The following MCTP1 variants were observed in gnomAD, a reference collection of about 807,000 sequenced individuals.
The protein encoded by MCTP1 is multiple C2 and transmembrane domain containing 1, also known as multiple C2 and transmembrane domain-containing protein 1.
MCTP1 carries 69 observed loss-of-function variants against 120.6 expected under a neutral mutation model. The observed-to-expected ratio is 0.57, with a 90% confidence interval of 0.47 to 0.70. MCTP1 has a LOEUF of 0.70. Among genes scored for constraint, MCTP1 ranks in the 30% least tolerant of loss-of-function variants. MCTP1 has a pLI of 0.00. For synonymous variants in MCTP1, 529 were observed against 493.1 expected, an observed-to-expected ratio of 1.07 and a Z score of -0.96; for missense variants, 1,203 against 1,248.8, an observed-to-expected ratio of 0.96 and a Z score of 0.55.
chr5:94,716,710 A>C (rs974120618), intron 19 of MCTP1, among the ~76,000 whole-genome samples: 4 of 152,144 alleles, frequency 2.6e-5, no homozygotes, highest in African/African-American at 9.7e-5. Context: ...TATATGAAAT[A>C]CCTAGGTAAA....
intron 18 of MCTP1, among the ~76,000 whole-genome samples, chr5:94,779,826 G>A (rs1034254029): frequency 5.3e-5 from 8 of 152,228 alleles, no homozygotes; most frequent in Non-Finnish European, 1.2e-4. Flanking sequence ...TATAGTGTGT[G>A]TATAACCCAC....
chr5:95,124,633 T>C lies in MCTP1; in HGVS notation c.721-107149A>G, dbSNP rs1242074671. 2.0e-4 allele frequency among the ~76,000 whole-genome samples: 30 copies of C among 152,204 alleles called. 1 individual carries two copies. Among genetic ancestry groups the C allele is most frequent in the Admixed American group, 2.0e-3 (30 of 15,270 alleles). ...CCATCACTGGCATTTATGAAGCATATGCTGGGGGTAAAGTCCTATCCCAGC... is the reference window on the plus strand; with the variant it reads ...CCATCACTGGCATTTATGAAGCATACGCTGGGGGTAAAGTCCTATCCCAGC... On this transcript the variant is annotated intron_variant, in intron 1 of 22. Transcript: ENST00000515393.
At chr5:95,265,848 G>T (rs1164330995) in intron 1 of MCTP1, among the ~76,000 whole-genome samples, 1 of 152,184 alleles carries the variant, frequency 6.6e-6, no homozygotes. Flanking sequence ...CCTTATGTGT[G>T]TAGGCGGCAG....
At chr5:95,184,361 T>G (rs1469289741) in intron 1 of MCTP1, among the ~76,000 whole-genome samples, 1 of 152,198 alleles carries the variant, frequency 6.6e-6, no homozygotes, top group African/African-American at 2.4e-5. Flanking sequence ...CCAGATAATT[T>G]CACTGGAGAA....
intron 12 of MCTP1, among the ~76,000 whole-genome samples, chr5:94,874,711 C>A (rs1453434139): frequency 6.6e-6 from 1 of 152,106 alleles, no homozygotes; most frequent in Admixed American, 6.6e-5. Flanking sequence ...AACTCACACA[C>A]CCCATGGAAG....
intron 17 of MCTP1, among the ~76,000 whole-genome samples, chr5:94,831,338 A>G (rs1392173365): frequency 6.6e-6 from 1 of 152,236 alleles, no homozygotes; most frequent in East Asian, 1.9e-4. Flanking sequence ...GGTTTATCCA[A>G]TCGTCCATCA....
chr5:94,960,845 A>G (rs1324910116), intron 2 of MCTP1, among the ~76,000 whole-genome samples: 1 of 152,212 alleles, frequency 6.6e-6, no homozygotes, highest in Non-Finnish European at 1.5e-5. Flanking sequence ...TAGTTCAACC[A>G]CAGGGGAAGA....
At chr5:95,053,175 G>A (rs1582046105) in intron 1 of MCTP1, among the ~76,000 whole-genome samples, 2 of 152,186 alleles carry the variant, frequency 1.3e-5, no homozygotes, top group South Asian at 4.1e-4. Flanking sequence ...AGCTTGAAGT[G>A]ACAATTATTT....
At chr5:94,970,330 C>A (rs1164425704) in intron 2 of MCTP1, among the ~76,000 whole-genome samples, 1 of 151,888 alleles carries the variant, frequency 6.6e-6, no homozygotes, top group African/African-American at 2.4e-5. Context: ...ATTCATACAA[C>A]TTATTCAAAT....
chr5:94,865,897 CA>C (rs1430661617), intron 17 of MCTP1, among the ~76,000 whole-genome samples: 1 of 151,862 alleles, frequency 6.6e-6, no homozygotes, highest in African/African-American at 2.4e-5. Flanking sequence ...TTCGCTAATG[CA>C]TGTAAAACAG....
intron 1 of MCTP1, among the ~76,000 whole-genome samples, chr5:95,192,604 A>T (rs1475773094): frequency 6.6e-6 from 1 of 152,112 alleles, no homozygotes; most frequent in Non-Finnish European, 1.5e-5. Flanking sequence ...CAAGGAGGTA[A>T]GTTGTTATTT....
At chr5:94,707,642 A>G (rs1755008199) in intron 22 of MCTP1, 75 bp from the exon 23 acceptor site, 2 of 1,121,988 alleles carry the variant, frequency 1.8e-6, no homozygotes. Flanking sequence ...CAAAGGAATG[A>G]GAGACGGTGC....
intron 1 of MCTP1, among the ~76,000 whole-genome samples, chr5:95,172,082 G>A (rs1177257030): frequency 6.6e-6 from 1 of 152,164 alleles, no homozygotes; most frequent in Non-Finnish European, 1.5e-5. Flanking sequence ...TACAGATGGG[G>A]TTTTGGTGTG....
chr5:95,069,812 C>A (rs1751670293), intron 1 of MCTP1, among the ~76,000 whole-genome samples: 1 of 151,734 alleles, frequency 6.6e-6, no homozygotes, highest in East Asian at 1.9e-4. Context: ...TATTCTCCTG[C>A]CTCAGCCTCC....
At chr5:95,156,553 T>C (rs1045675851) in intron 1 of MCTP1, among the ~76,000 whole-genome samples, 1 of 152,202 alleles carries the variant, frequency 6.6e-6, no homozygotes, top group African/African-American at 2.4e-5. Context: ...TTCCCTAACA[T>C]GTGTTCTGTG....
At chr5:95,120,194 G>C (rs1406649385) in intron 1 of MCTP1, among the ~76,000 whole-genome samples, 1 of 77,396 alleles carries the variant, frequency 1.3e-5, no homozygotes, top group African/African-American at 3.9e-5. Context: ...AAAAAAAAAA[G>C]TCTCCCAGCT....
At chr5:95,091,235 C>T (rs549537562) in intron 1 of MCTP1, among the ~76,000 whole-genome samples, 4 of 152,294 alleles carry the variant, frequency 2.6e-5, no homozygotes, top group Non-Finnish European at 5.9e-5. Context: ...CCGAGGCTTT[C>T]CCCTTCAATG....
At chr5:95,039,647 C>A (rs1201261268) in intron 1 of MCTP1, among the ~76,000 whole-genome samples, 1 of 151,924 alleles carries the variant, frequency 6.6e-6, no homozygotes, top group Non-Finnish European at 1.5e-5. Context: ...AGGTGTCTCA[C>A]AAGGGTTTTC....
At chr5:95,048,794 G>A (rs1745185206) in intron 1 of MCTP1, among the ~76,000 whole-genome samples, 1 of 152,098 alleles carries the variant, frequency 6.6e-6, no homozygotes, top group Non-Finnish European at 1.5e-5. Flanking sequence ...CATCAGTCAG[G>A]GGCAGGGGAT....
Sources: gnomAD v4.1 joint callset for allele counts (sites outside exome capture counted in the v4.1 genomes callset) on GRCh38, gnomAD v4.1.1 for gene constraint, MANE v1.5 for transcripts, NCBI Gene and HGNC (gene_info 2026-07-23, HGNC 2026-07-21) for gene names.